CD36: variants seen among roughly 807,000 people sequenced by gnomAD.
CD36 encodes the protein platelet glycoprotein 4.
A neutral mutation model predicts 55.2 loss-of-function variants in CD36; 119 were observed. That is an observed-to-expected ratio of 2.15 (90% CI 1.86 to 2.51). The LOEUF is 2.51. Among genes scored for constraint, CD36 ranks in the 30% most tolerant of loss-of-function variants. The pLI is 0.00. For synonymous variants in CD36, 186 were observed against 193.6 expected (o/e 0.96, Z 0.33); for missense variants, 819 against 555.5 (o/e 1.47, Z -4.77).
upstream of CD36, among the ~76,000 whole-genome samples, chr7:80,636,172 G>A (rs1020685678): frequency 2.3e-4 from 35 of 152,200 alleles, no homozygotes; most frequent in African/African-American, 7.9e-4. Context: ...AGCAGAGAAC[G>A]GAGAGGGGAG....
chr7:80,604,384 T>C (rs1792423562), intron 1 of CD36, among the ~76,000 whole-genome samples: 1 of 113,584 alleles, frequency 8.8e-6, no homozygotes, highest in African/African-American at 4.0e-5. Context: ...TTTTTTTTTT[T>C]TTTTTTAGCA....
At chr7:80,653,254 C>T (rs1449707965) in intron 3 of CD36, among the ~76,000 whole-genome samples, 1 of 152,112 alleles carries the variant, frequency 6.6e-6, no homozygotes, top group Admixed American at 6.6e-5. Context: ...GTGTAAAGTC[C>T]TTGAAAAGTG....
At chr7:80,650,345 T>G (rs1795507333) in intron 3 of CD36, among the ~76,000 whole-genome samples, 1 of 152,176 alleles carries the variant, frequency 6.6e-6, no homozygotes, top group South Asian at 2.1e-4. Context: ...GGAATATTGT[T>G]TGAATAGACT....
At chr7:80,627,226 T>C (rs1444043768) in intron 1 of CD36, among the ~76,000 whole-genome samples, 1 of 152,132 alleles carries the variant, frequency 6.6e-6, no homozygotes, top group Non-Finnish European at 1.5e-5. Context: ...ATCCATTGCC[T>C]TGTAATTCTG....
At chr7:80,659,625 A>C (rs1191143778) in intron 4 of CD36, among the ~76,000 whole-genome samples, 1 of 152,056 alleles carries the variant, frequency 6.6e-6, no homozygotes, top group Non-Finnish European at 1.5e-5. Flanking sequence ...TTCTAAAGGC[A>C]GGGCTGTTTT....
intron 3 of CD36, among the ~76,000 whole-genome samples, chr7:80,655,660 G>T (rs970699195): frequency 1.4e-4 from 22 of 152,076 alleles, no homozygotes; most frequent in African/African-American, 5.3e-4. Flanking sequence ...CAAATATATT[G>T]AAAGTTAGGG....
chr7:80,668,758 C>CAA (rs2116819659), intron 8 of CD36, among the ~76,000 whole-genome samples: 1 of 152,180 alleles, frequency 6.6e-6, no homozygotes, highest in South Asian at 2.1e-4. Context: ...AGAGTGTAAA[C>CAA]TAATGAAAAC....
chr7:80,666,182 T>G, intron 7 of CD36: 1 of 436,570 alleles, frequency 2.3e-6, no homozygotes, highest in Non-Finnish European at 4.2e-6. Context: ...GTTTTTAATT[T>G]TTTTCTTATT....
At chr7:80,610,002 G>C (rs6972923) in intron 1 of CD36, among the ~76,000 whole-genome samples, 61,464 of 151,880 alleles carry the variant, frequency 0.4, 12,668 homozygotes, top group African/African-American at 0.47. Flanking sequence ...GAGCCAAGCT[G>C]TGGGTCTGAT....
intron 1 of CD36, among the ~76,000 whole-genome samples, chr7:80,624,466 A>G (rs942766852): frequency 3.9e-5 from 6 of 152,210 alleles, no homozygotes; most frequent in Non-Finnish European, 8.8e-5. Flanking sequence ...ATGAGTTCTC[A>G]GTAATTGTTA....
chr7:80,621,894 T>A (rs1179077131), intron 1 of CD36, among the ~76,000 whole-genome samples: 1 of 152,212 alleles, frequency 6.6e-6, no homozygotes, highest in Non-Finnish European at 1.5e-5. Flanking sequence ...ACACTACGAG[T>A]TAAACCCTCA....
Position 80,661,575 on chromosome 7 carries a change from G to A in CD36, c.429+365G>A, listed in dbSNP as rs11574711. Among the ~76,000 whole-genome samples the A allele has an allele frequency of 5.0e-3, 754 of 152,114 alleles. 7 individuals carry two copies. Among genetic ancestry groups the A allele is most frequent in the African/African-American group, 0.017 (697 of 41,502 alleles). ...ACTATATAATAAAAGGTTTCCAAAC[G>A]CAGCCTGTAAGAAATCAGGCAAATT... On this transcript the variant is annotated intron_variant, in intron 5 of 14. Coordinates refer to ENST00000447544, the MANE Select transcript of CD36 (RefSeq NM_001001548.3).
chr7:80,664,521 A>G lies in CD36; in HGVS notation c.701+24A>G, dbSNP rs754789397. 3 of 1,223,990 alleles carry G rather than the reference A, an allele frequency of 2.5e-6. No individual in the cohort carries two copies. The Admixed American group carries it at 5.0e-5, about 21-fold the overall frequency. 75.8% of individuals were successfully genotyped at this position (1,223,990 alleles called of 1,614,324 possible). ...AGGTAAGTATTCTGGTAAAATGTGC[A>G]TGTATGTTACTAGGGTACTCTTAAG... On this transcript the variant is annotated intron_variant, in intron 7 of 14. Transcript: ENST00000447544.
intron 1 of CD36, among the ~76,000 whole-genome samples, chr7:80,608,407 T>G (rs1428054834): frequency 1.3e-5 from 2 of 152,122 alleles, no homozygotes; most frequent in Non-Finnish European, 2.9e-5. Context: ...GGCAAGTTAG[T>G]AAACTTCTTT....
chr7:80,645,159 T>C (rs1309199636), intron 1 of CD36, among the ~76,000 whole-genome samples: 1 of 151,636 alleles, frequency 6.6e-6, no homozygotes, highest in African/African-American at 2.4e-5. Context: ...TAGCTGGGAT[T>C]ACAAGCATGT....
chr7:80,666,858 A>T (rs1045417531), intron 8 of CD36, among the ~76,000 whole-genome samples: 3 of 152,216 alleles, frequency 2.0e-5, no homozygotes, highest in Non-Finnish European at 4.4e-5. Flanking sequence ...TGAAAGAATT[A>T]AAAAAAGCTA....
chr7:80,667,167 T>A (rs1425004222), intron 8 of CD36, among the ~76,000 whole-genome samples: 7 of 152,004 alleles, frequency 4.6e-5, no homozygotes, highest in Non-Finnish European at 8.8e-5. Context: ...GTGGCTCATG[T>A]CTATAATCCC....
intron 3 of CD36, among the ~76,000 whole-genome samples, chr7:80,650,038 GC>G (rs1222845410): frequency 2.0e-5 from 3 of 152,038 alleles, no homozygotes; most frequent in Non-Finnish European, 4.4e-5. Context: ...TCAATGGAGT[GC>G]TTTTCCTTCT....
At position 80,676,451 on chromosome 7, in the gene CD36, A is replaced by T. The variant is rs1373506234; in HGVS notation, c.*68A>T. 1 of 152,180 alleles carries T rather than the reference A, an allele frequency of 6.6e-6. No individual in the cohort carries two copies. Among genetic ancestry groups the T allele is most frequent in the African/African-American group, 2.4e-5 (1 of 41,456 alleles). 9.4% of individuals were successfully genotyped at this position (152,180 alleles called of 1,614,324 possible). A position where few individuals can be genotyped will look rare whatever the true frequency, so the allele number is the denominator to read the frequency against. Reference sequence around the variant, plus strand: ...TAATTGGTTTCTGGGTGGCCAATTCAGAAGAAGAGTGTACATGCTCAACAA... The same window carrying T: ...TAATTGGTTTCTGGGTGGCCAATTCTGAAGAAGAGTGTACATGCTCAACAA... On this transcript the variant is annotated 3_prime_UTR_variant, in exon 15 of 15. Transcript: ENST00000447544.
Sources: allele counts gnomAD v4.1 joint callset (sites outside exome capture counted in the v4.1 genomes callset), GRCh38; gene constraint gnomAD v4.1.1; transcripts MANE v1.5; gene names NCBI Gene and HGNC (gene_info 2026-07-23, HGNC 2026-07-21).